Variants in CEP295 observed in about 807,000 individuals in gnomAD.
CEP295 encodes the protein centrosomal protein of 295 kDa.
Under a neutral mutation model 291.6 loss-of-function variants are expected in CEP295, and 190 were observed. The ratio of observed to expected loss-of-function variants is 0.65; its 90% CI spans 0.58 to 0.73. The LOEUF (loss-of-function observed/expected upper bound fraction) is 0.73. Ranked by LOEUF, CEP295 falls within the 30% of genes least tolerant of loss-of-function variation. CEP295 has a pLI of 0.00. For missense variants in CEP295, 2,863 were observed against 2,949.4 expected, an observed-to-expected ratio of 0.97 and a Z score of 0.68; for synonymous variants, 993 against 1,038.8, an observed-to-expected ratio of 0.96 and a Z score of 0.85.
chr11:93,717,661 A>C (rs1479580365), intron 18 of CEP295, among the ~76,000 whole-genome samples: 1 of 152,112 alleles, frequency 6.6e-6, no homozygotes, highest in Non-Finnish European at 1.5e-5. Flanking sequence ...GGATAAGGGA[A>C]TGCTTGGCCA....
At chr11:93,685,662 C>G (rs554060340) in intron 9 of CEP295, among the ~76,000 whole-genome samples, 21 of 152,266 alleles carry the variant, frequency 1.4e-4, no homozygotes, top group African/African-American at 4.3e-4. Flanking sequence ...TTTCTGTCCT[C>G]TGCAGAACCT....
At chr11:93,666,934 C>G in intron 2 of CEP295, 119 bp downstream of exon 2, 1 of 568,546 alleles carries the variant, frequency 1.8e-6, no homozygotes, top group Non-Finnish European at 3.1e-6. Flanking sequence ...TACGAGAGCC[C>G]TGGTTATTTG....
chr11:93,667,296 T>C (rs1368305354), intron 2 of CEP295, among the ~76,000 whole-genome samples: 1 of 152,266 alleles, frequency 6.6e-6, no homozygotes, highest in Non-Finnish European at 1.5e-5. Flanking sequence ...CTCTGGGCTA[T>C]AGATTTTGTT....
chr11:93,721,327 C>A lies in CEP295; in HGVS notation c.5765C>A (p.Ser1922Tyr). Residue 1922 changes from serine to tyrosine, a missense_variant, in exon 19 of 30, where the codon TCT (serine) becomes TAT (tyrosine). Around this residue, in one of 3 missense-constraint regions of CEP295, gnomAD observed 2,295 missense variants for 2,335.7 expected, o/e 0.98. Coordinates refer to ENST00000325212, the MANE Select transcript of CEP295 (RefSeq NM_033395.2). ...CATTTTTCAGTTAAGCTGAAGGAAT[C>A]TGTTGTTGAAAATCATGCAGTGTTA... ...DYDEAVKLKE[S>Y]VVENHAVLSY... 1 of 1,551,810 alleles carries A rather than the reference C, an allele frequency of 6.4e-7. No individual in the cohort carries two copies. Among genetic ancestry groups the A allele is most frequent in the Middle Eastern group, 1.7e-4 (1 of 5,990 alleles).
At chr11:93,722,831 C>T (rs942303835) in intron 20 of CEP295, 3 of 410,364 alleles carry the variant, frequency 7.3e-6, no homozygotes, top group Admixed American at 4.1e-5. Context: ...AATCTCGGCT[C>T]TCCCGAGTAG....
chr11:93,718,677 A>G (rs1232043045), intron 18 of CEP295, among the ~76,000 whole-genome samples: 1 of 152,254 alleles, frequency 6.6e-6, no homozygotes, highest in Non-Finnish European at 1.5e-5. Flanking sequence ...AACATCCCAG[A>G]TTAACTTCTC....
intron 17 of CEP295, among the ~76,000 whole-genome samples, chr11:93,704,184 G>C (rs1272449293): frequency 6.6e-6 from 1 of 151,896 alleles, no homozygotes. Flanking sequence ...ATTTTTTAAA[G>C]GGGAACATTA....
intron 19 of CEP295, 200 bp from the exon 20 acceptor site, chr11:93,721,754 T>G (rs902528559): frequency 3.2e-5 from 22 of 682,826 alleles, no homozygotes; most frequent in Middle Eastern, 2.5e-4. Flanking sequence ...AGATTGAGGG[T>G]GGGGGGGTGC....
Position 93,684,101 on chromosome 11 carries a change from G to A in CEP295, c.1087G>A (p.Ala363Thr). The A allele has an allele frequency of 1.3e-6, 2 of 1,551,534 alleles. No homozygotes were observed. The highest frequency in any genetic ancestry group is 1.7e-6 in the Non-Finnish European group (2 of 1,146,944). Residue 363 changes from alanine (A) to threonine (T), a missense_variant, in exon 9 of 30, where the codon GCT becomes ACT. By Grantham distance (58) the Ala-to-Thr change is moderately conservative. Coordinates refer to ENST00000325212, the MANE Select transcript of CEP295 (RefSeq NM_033395.2). ...AGCTGAAGACCTTCCAGTGACAGAAGCTGAAATATGTTCTAGTGAAACAGA... is the reference window on the plus strand; with the variant it reads ...AGCTGAAGACCTTCCAGTGACAGAAACTGAAATATGTTCTAGTGAAACAGA... Reference protein sequence around the residue: ...GAAEDLPVTEAEICSSETDVP... With the variant: ...GAAEDLPVTETEICSSETDVP...
At chr11:93,703,003 G>A in intron 17 of CEP295, 84 bp downstream of exon 17, 6 of 1,142,492 alleles carry the variant, frequency 5.3e-6, no homozygotes, top group South Asian at 1.6e-5. Context: ...TTGCTCTGTT[G>A]CCCAGGCTGG....
Position 93,683,981 on chromosome 11 carries a change from A to C in CEP295, c.967A>C (p.Ile323Leu). 1 of 1,551,168 alleles carries C rather than the reference A, an allele frequency of 6.4e-7. No homozygotes were observed. The highest frequency in any genetic ancestry group is 1.2e-5 in the South Asian group (1 of 84,020). Residue 323 changes from isoleucine to leucine, a missense_variant, in exon 9 of 30, where the codon ATT (isoleucine) becomes CTT (leucine). Physicochemically the swap from Ile to Leu is conservative, Grantham distance 5. Transcript: ENST00000325212. The stretch of plus-strand genomic sequence containing the variant: ...TTTTTAAGAGGTGAAAGGGAATCTG[A>C]TTCTGCACCTTGAACCAGAGCCCTT... ...NADRKVKGNL[I>L]LHLEPEPLPT...
rs1952047859 is a variant in CEP295 at position 93,699,933 on chromosome 11, C to G, written c.5021C>G (p.Ser1674Cys). Residue 1674 changes from serine to cysteine, a missense_variant, in exon 15 of 30, where the codon TCC becomes TGC. Coordinates refer to ENST00000325212, the MANE Select transcript of CEP295 (RefSeq NM_033395.2). ...AAAAGCACTTGTGAATTGTATTCAT[C>G]CCAGAATGAACATGCAGCCCCCCCA... Reference protein sequence around the residue: ...KPKSTCELYSSQNEHAAPPSN... With the variant: ...KPKSTCELYSCQNEHAAPPSN... 6.4e-7 allele frequency: 1 copy of G among 1,551,738 alleles called. No homozygotes were observed. The highest frequency in any genetic ancestry group is 1.4e-5 in the African/African-American group (1 of 73,168).
At chr11:93,724,429 C>T in intron 22 of CEP295, 54 bp downstream of exon 22, 1 of 1,501,560 alleles carries the variant, frequency 6.7e-7, no homozygotes, top group Non-Finnish European at 9.0e-7. Flanking sequence ...AGTTTTAAGC[C>T]ATTTCTTCTA....
chr11:93,685,321 A>AT (rs1327939812), intron 9 of CEP295, among the ~76,000 whole-genome samples: 1 of 152,022 alleles, frequency 6.6e-6, no homozygotes, highest in Non-Finnish European at 1.5e-5. Flanking sequence ...GCCTCCTATT[A>AT]TGTAGGCCTC....
chr11:93,683,059 T>G (rs12275974), intron 7 of CEP295, among the ~76,000 whole-genome samples: 5,769 of 152,272 alleles, frequency 0.038, 249 homozygotes, highest in African/African-American at 0.1. Flanking sequence ...TCAGATCTCC[T>G]TTAATAATGG....
intron 18 of CEP295, among the ~76,000 whole-genome samples, chr11:93,710,482 G>A (rs986649028): frequency 2.6e-5 from 4 of 152,086 alleles, no homozygotes; most frequent in Admixed American, 2.6e-4. Flanking sequence ...AATTCCACTT[G>A]GTCATAATGA....
rs1591193991 is a variant in CEP295, at chr11:93,730,132, CA to C, written c.7755del (p.Glu2586AsnfsTer7). On this transcript the variant is annotated frameshift_variant, in exon 29 of 30. Transcript: ENST00000325212. LOFTEE classifies it high-confidence loss of function. ...QEAYAQNRAR[A>X]KEFHKKTLEK... Reference sequence around the variant, plus strand: ...GCTTATGCCCAAAACAGAGCAAGGGCAAAAGAATTCCATAAGGTGAGTATAA... The same window carrying C: ...GCTTATGCCCAAAACAGAGCAAGGGCAAAGAATTCCATAAGGTGAGTATAA... The C allele has an allele frequency of 6.4e-7, 1 of 1,550,776 alleles. No homozygotes were observed. The highest frequency in any genetic ancestry group is 2.4e-5 in the East Asian group (1 of 40,870).
Position 93,729,695 on chromosome 11 carries a change from C to T in CEP295, c.7481C>T (p.Ser2494Phe). 1 of 1,549,828 alleles carries T rather than the reference C, an allele frequency of 6.5e-7. No homozygotes were observed. Among genetic ancestry groups the T allele is most frequent in the South Asian group, 1.2e-5 (1 of 83,968 alleles). Reference sequence around the variant, plus strand: ...AGGAAAAAATCATTTATGGAGAGATCCCACCAGAGGCAGAAAGAAATAAGG... The same window carrying T: ...AGGAAAAAATCATTTATGGAGAGATTCCACCAGAGGCAGAAAGAAATAAGG... ...IKRKKSFMER[S>F]HQRQKEIRNK... Residue 2494 changes from serine (S) to phenylalanine (F), a missense_variant, in exon 27 of 30, where the codon TCC becomes TTC. Coordinates refer to ENST00000325212, the MANE Select transcript of CEP295 (RefSeq NM_033395.2).
At position 93,693,441 on chromosome 11, in the gene CEP295, G is replaced by A. The variant is rs542103831; in HGVS notation, c.1533+1411G>A. 2.6e-5 allele frequency among the ~76,000 whole-genome samples: 4 copies of A among 152,272 alleles called. No individual in the cohort carries two copies. In the South Asian group the frequency reaches 8.3e-4, roughly 32 times the overall value. ...ATACAGCTGGGGAATAATTCCGTGA[G>A]CCAGTATTTCTTCTCAGATAAATAC... On this transcript the variant is annotated intron_variant, in intron 12 of 29. Transcript: ENST00000325212.
Sources: gnomAD v4.1 joint callset for allele counts (sites outside exome capture counted in the v4.1 genomes callset) on GRCh38, gnomAD v4.1.1 for gene constraint, gnomAD v4.1.1 regional missense constraint, MANE v1.5 for transcripts, NCBI Gene and HGNC (gene_info 2026-07-23, HGNC 2026-07-21) for gene names.